The following FRAS1 variants were observed in gnomAD, a reference collection of about 807,000 sequenced individuals.
FRAS1 encodes the protein Fraser extracellular matrix complex subunit 1.
FRAS1 carries 290 observed loss-of-function variants against 435.2 expected under a neutral mutation model. The ratio of observed to expected loss-of-function variants is 0.67; its 90% confidence interval spans 0.61 to 0.73. FRAS1 has a LOEUF of 0.73. Among genes scored for constraint, FRAS1 ranks in the 30% least tolerant of loss-of-function variants. The pLI, the probability that FRAS1 is intolerant of heterozygous loss-of-function variation, is 0.00. For synonymous variants in FRAS1, 1,800 were observed against 1,851.0 expected (o/e 0.97, Z 0.71); for missense variants, 4,860 against 5,001.5 (o/e 0.97, Z 0.85).
At chr4:78,470,160 T>TTC in intron 51 of FRAS1, 69 bp downstream of exon 51, 1 of 998,474 alleles carries the variant, frequency 1.0e-6, no homozygotes, top group Non-Finnish European at 1.5e-6. Context: ...CGACAATGAC[T>TTC]TATGAATAGA....
chr4:78,143,538 G>A (rs1360933522), intron 2 of FRAS1, among the ~76,000 whole-genome samples: 1 of 152,066 alleles, frequency 6.6e-6, no homozygotes, highest in African/African-American at 2.4e-5. Context: ...TTTCTTTCAA[G>A]TGCATGTTGT....
chr4:78,448,151 C>A lies in FRAS1; in HGVS notation c.6109C>A (p.Leu2037Met). Residue 2037 changes from leucine (L) to methionine (M), a missense_variant, in exon 44 of 74, where the codon CTG becomes ATG. Physicochemically the swap from Leu to Met is conservative, Grantham distance 15. Coordinates refer to ENST00000512123, the MANE Select transcript of FRAS1 (RefSeq NM_025074.7). ...CACCTACCAGGATATCCTAGCTGGG[C>A]TGGTTGGGTATGTGCCTAGTGTCCC... ...TFTYQDILAGLVGYVPSVPGM... is the reference protein window; with the variant it reads ...TFTYQDILAGMVGYVPSVPGM... 2 of 1,613,720 alleles carry A rather than the reference C, an allele frequency of 1.2e-6. No individual in the cohort carries two copies. Among genetic ancestry groups the A allele is most frequent in the Non-Finnish European group, 1.7e-6 (2 of 1,179,828 alleles).
intron 38 of FRAS1, among the ~76,000 whole-genome samples, chr4:78,432,967 T>C (rs902090462): frequency 1.2e-4 from 18 of 152,224 alleles, no homozygotes; most frequent in Non-Finnish European, 5.9e-5. Flanking sequence ...ATGTGATCAA[T>C]GACTAGTAGG....
intron 2 of FRAS1, among the ~76,000 whole-genome samples, chr4:78,159,883 AAAAAC>A (rs1470095580): frequency 6.6e-6 from 1 of 152,186 alleles, no homozygotes; most frequent in Non-Finnish European, 1.5e-5. Context: ...TCCATCTCAA[AAAAAC>A]AAAACAAAAA....
chr4:78,319,089 A>G (rs1729394671), intron 18 of FRAS1, 103 bp downstream of exon 18: 2 of 1,189,924 alleles, frequency 1.7e-6, no homozygotes, highest in Admixed American at 1.9e-5. Flanking sequence ...TAATTTTAGA[A>G]TGGTTCCTAG....
chr4:78,321,409 G>A (rs1729497767), intron 18 of FRAS1, among the ~76,000 whole-genome samples: 1 of 152,194 alleles, frequency 6.6e-6, no homozygotes, highest in African/African-American at 2.4e-5. Flanking sequence ...AGTTCAAGGT[G>A]GTACAGCTCC....
At position 78,304,510 on chromosome 4, in the gene FRAS1, T is replaced by A. The variant is rs534537679; in HGVS notation, c.1535-3556T>A. ...CATCTGGTTCTGGACTCTTTTTGTT[T>A]GGTAAGCTATTGATTATTGCCACAA... On this transcript the variant is annotated intron_variant, in intron 14 of 73. Coordinates refer to ENST00000512123, the MANE Select transcript of FRAS1 (RefSeq NM_025074.7). 2.6e-5 allele frequency among the ~76,000 whole-genome samples: 4 copies of A among 152,320 alleles called. No individual in the cohort carries two copies. The South Asian group carries it at 6.2e-4, about 24-fold the overall frequency.
intron 49 of FRAS1, 32 bp from the exon 50 acceptor site, chr4:78,466,176 C>T (rs756030776): frequency 6.3e-7 from 1 of 1,590,198 alleles, no homozygotes; most frequent in South Asian, 1.1e-5. Context: ...TTATGAGCTT[C>T]CCTCCCCTCT....
intron 40 of FRAS1, among the ~76,000 whole-genome samples, chr4:78,440,748 A>G (rs1199439202): frequency 1.3e-5 from 2 of 152,212 alleles, no homozygotes; most frequent in East Asian, 3.8e-4. Context: ...GAATGCCTAT[A>G]GGACACAGTC....
intron 2 of FRAS1, among the ~76,000 whole-genome samples, chr4:78,091,403 C>T (rs1741512427): frequency 6.6e-6 from 1 of 151,998 alleles, no homozygotes. Context: ...AGGAGATTCT[C>T]ATGTTACTCC....
chr4:78,292,982 G>T (rs1727968542), intron 14 of FRAS1, among the ~76,000 whole-genome samples: 1 of 152,100 alleles, frequency 6.6e-6, no homozygotes, highest in South Asian at 2.1e-4. Context: ...TGCTTCAAGT[G>T]GTATCTCCTG....
intron 66 of FRAS1, among the ~76,000 whole-genome samples, chr4:78,517,820 T>A (rs1721256360): frequency 6.6e-6 from 1 of 152,042 alleles, no homozygotes; most frequent in Admixed American, 6.6e-5. Flanking sequence ...TGAGGAAAAA[T>A]TAATTTTGCC....
At position 78,508,798 on chromosome 4, in the gene FRAS1, C is replaced by T; in HGVS notation, c.9572C>T (p.Ser3191Phe). The change falls in exon 63 of 74, where the codon TCC becomes TTC. Residue 3191 changes from serine (S) to phenylalanine (F), a missense_variant. Physicochemically the swap from Ser to Phe is radical, Grantham distance 155. Coordinates refer to ENST00000512123, the MANE Select transcript of FRAS1 (RefSeq NM_025074.7). ...AAGGAAGGAGTCAAGAAATCCCCCT[C>T]CCCAGGCTACCCACTGGTCTGTGTC... Reference protein sequence around the residue: ...VTKEGVKKSPSPGYPLVCVTP... With the variant: ...VTKEGVKKSPFPGYPLVCVTP... 6.2e-7 allele frequency: 1 copy of T among 1,613,706 alleles called. No homozygotes were observed. The highest frequency in any genetic ancestry group is 8.5e-7 in the Non-Finnish European group (1 of 1,179,778).
intron 18 of FRAS1, among the ~76,000 whole-genome samples, chr4:78,325,749 CA>C (rs1262973770): frequency 6.6e-6 from 1 of 152,186 alleles, no homozygotes; most frequent in Admixed American, 6.5e-5. Flanking sequence ...GCCATAATAG[CA>C]GTAGTCACAA....
intron 2 of FRAS1, among the ~76,000 whole-genome samples, chr4:78,166,105 T>C (rs1721322399): frequency 6.6e-6 from 1 of 152,184 alleles, no homozygotes; most frequent in African/African-American, 2.4e-5. Context: ...TTTAAATACC[T>C]ACCAGTGTAC....
chr4:78,258,406 G>A (rs1375804700), intron 6 of FRAS1, among the ~76,000 whole-genome samples: 3 of 151,014 alleles, frequency 2.0e-5, no homozygotes, highest in Non-Finnish European at 4.4e-5. Flanking sequence ...TTACGCATTT[G>A]AGTATGATTT....
At chr4:78,058,752 C>T (rs1037957232) in intron 1 of FRAS1, among the ~76,000 whole-genome samples, 1 of 152,202 alleles carries the variant, frequency 6.6e-6, no homozygotes, top group African/African-American at 2.4e-5. Context: ...AGGCTCCAAG[C>T]TACCTGTAAA....
chr4:78,224,390 T>G (rs1455495733), intron 2 of FRAS1, among the ~76,000 whole-genome samples: 1 of 152,208 alleles, frequency 6.6e-6, no homozygotes, highest in Non-Finnish European at 1.5e-5. Context: ...TTATGAGGAT[T>G]CAATGTCACA....
chr4:78,340,018 A>T (rs976703461), intron 20 of FRAS1, among the ~76,000 whole-genome samples: 10 of 152,226 alleles, frequency 6.6e-5, no homozygotes, highest in East Asian at 1.9e-4. Context: ...GGGCATATTT[A>T]AAAAATACAT....
Sources: allele counts gnomAD v4.1 joint callset (sites outside exome capture counted in the v4.1 genomes callset), GRCh38; gene constraint gnomAD v4.1.1; transcripts MANE v1.5; gene names NCBI Gene and HGNC (gene_info 2026-07-23, HGNC 2026-07-21).